ITK: variants seen among roughly 807,000 people sequenced by gnomAD.
ITK encodes the protein IL2 inducible T cell kinase.
Under a neutral mutation model 87.6 loss-of-function variants are expected in ITK, and 45 were observed. The ratio of observed to expected loss-of-function variants is 0.51; its 90% CI spans 0.40 to 0.66. The LOEUF is 0.66. Among genes scored for constraint, ITK ranks in the 30% least tolerant of loss-of-function variants. ITK has a pLI of 0.00. For synonymous variants in ITK, 303 were observed against 273.6 expected, an observed-to-expected ratio of 1.11 and a Z score of -1.06; for missense variants, 605 against 766.3, an observed-to-expected ratio of 0.79 and a Z score of 2.48.
intron 1 of ITK, among the ~76,000 whole-genome samples, chr5:157,204,839 T>TA (rs899130682): frequency 1.3e-5 from 2 of 152,254 alleles, no homozygotes; most frequent in African/African-American, 4.8e-5. Context: ...TGTTTTTACT[T>TA]AAAAAACTAA....
At chr5:157,241,931 G>T (rs1386008375) in intron 11 of ITK, among the ~76,000 whole-genome samples, 1 of 152,142 alleles carries the variant, frequency 6.6e-6, no homozygotes, top group Non-Finnish European at 1.5e-5. Flanking sequence ...TCAAACCAGT[G>T]GCCATTGGTT....
At chr5:157,216,393 TG>T (rs1754299378) in intron 4 of ITK, among the ~76,000 whole-genome samples, 1 of 152,150 alleles carries the variant, frequency 6.6e-6, no homozygotes, top group Admixed American at 6.5e-5. Context: ...GATTCAATGG[TG>T]TTGTGGAAAG....
chr5:157,220,220 A>T (rs1754387462), intron 5 of ITK, among the ~76,000 whole-genome samples: 1 of 152,126 alleles, frequency 6.6e-6, no homozygotes, highest in Non-Finnish European at 1.5e-5. Flanking sequence ...GGGTTGGGGG[A>T]TGGCTATTTT....
At chr5:157,240,008 G>A (rs1185334526) in intron 9 of ITK, 54 bp from the exon 10 acceptor site, 16 of 1,568,664 alleles carry the variant, frequency 1.0e-5, no homozygotes, top group Non-Finnish European at 1.2e-5. Context: ...AGACTTTTTT[G>A]TGTCTCAACA....
intron 1 of ITK, among the ~76,000 whole-genome samples, chr5:157,205,222 A>G (rs1345909291): frequency 2.0e-5 from 3 of 152,224 alleles, no homozygotes; most frequent in Non-Finnish European, 4.4e-5. Flanking sequence ...TATCAGATGT[A>G]AAAACCAGGG....
At chr5:157,185,166 TC>T (rs1561645043) in intron 1 of ITK, among the ~76,000 whole-genome samples, 1 of 152,122 alleles carries the variant, frequency 6.6e-6, no homozygotes, top group Non-Finnish European at 1.5e-5. Context: ...CAGATCTGGG[TC>T]AAAAACTAGC....
intron 1 of ITK, among the ~76,000 whole-genome samples, chr5:157,201,286 G>A (rs1167203447): frequency 7.0e-6 from 1 of 142,480 alleles, no homozygotes; most frequent in Admixed American, 7.4e-5. Flanking sequence ...TTGGGAACAA[G>A]ACATAAATTT....
intron 6 of ITK, among the ~76,000 whole-genome samples, chr5:157,225,728 A>G (rs1243736754): frequency 1.3e-5 from 2 of 152,186 alleles, no homozygotes; most frequent in Non-Finnish European, 2.9e-5. Context: ...CATGAAGACA[A>G]TTGAGCTAGT....
intron 8 of ITK, among the ~76,000 whole-genome samples, chr5:157,234,927 G>A (rs1754747129): frequency 6.6e-6 from 1 of 152,008 alleles, no homozygotes; most frequent in Admixed American, 6.6e-5. Flanking sequence ...AGAACTTCAA[G>A]TATAATAATA....
intron 6 of ITK, among the ~76,000 whole-genome samples, chr5:157,226,355 G>T (rs539046831): frequency 1.4e-4 from 22 of 152,198 alleles, no homozygotes; most frequent in Non-Finnish European, 3.1e-4. Context: ...CCAGCTTTGG[G>T]TGGCATATGC....
rs914011146 is a variant in ITK, at chr5:157,252,848, C to G, written c.*170C>G. The G allele has an allele frequency of 1.5e-6, 1 of 663,108 alleles. No homozygotes were observed. The highest frequency in any genetic ancestry group is 1.5e-5 in the South Asian group (1 of 64,736). The allele number at this position is 663,108 out of a possible 1,614,324, so 41.1% of individuals were successfully genotyped here. A position where few individuals can be genotyped will look rare whatever the true frequency, so the allele number is the denominator to read the frequency against. Reference sequence around the variant, plus strand: ...GAAGCAGCATCCTGACCACAGCTGGCAGTCAAGCCACAGCTGGAGGGTCAG... The same window carrying G: ...GAAGCAGCATCCTGACCACAGCTGGGAGTCAAGCCACAGCTGGAGGGTCAG... On this transcript the variant is annotated 3_prime_UTR_variant, in exon 17 of 17. Coordinates refer to ENST00000422843, the MANE Select transcript of ITK (RefSeq NM_005546.4).
intron 7 of ITK, among the ~76,000 whole-genome samples, chr5:157,229,029 TAAAA>T (rs1295899673): frequency 6.6e-6 from 1 of 152,130 alleles, no homozygotes; most frequent in Non-Finnish European, 1.5e-5. Context: ...TAATGACTAT[TAAAA>T]TAAGTAATAG....
chr5:157,242,598 C>T (rs533551567), intron 11 of ITK, among the ~76,000 whole-genome samples: 1 of 152,096 alleles, frequency 6.6e-6, no homozygotes, highest in African/African-American at 2.4e-5. Flanking sequence ...ACCTCAGCCT[C>T]CCAAGTAGCT....
chr5:157,217,604 G>C (rs911120815), intron 4 of ITK, among the ~76,000 whole-genome samples: 2 of 152,160 alleles, frequency 1.3e-5, no homozygotes, highest in Non-Finnish European at 2.9e-5. Flanking sequence ...TACAGAAAGA[G>C]AGGGCCCCCG....
intron 8 of ITK, among the ~76,000 whole-genome samples, chr5:157,235,015 G>A (rs777359525): frequency 4.5e-4 from 68 of 151,946 alleles, no homozygotes; most frequent in Admixed American, 1.7e-3. Flanking sequence ...TACATATTTC[G>A]CCACTAGACT....
In ITK at chr5:157,244,384, G is replaced by A; in HGVS notation, c.1355G>A (p.Gly452Glu). ...CLSDYLRTQR[G>E]LFAAETLLGM... Reference sequence around the variant, plus strand: ...TCAGATTATCTACGCACCCAGCGGGGACTTTTTGCTGCAGAGACCCTGCTG... The same window carrying A: ...TCAGATTATCTACGCACCCAGCGGGAACTTTTTGCTGCAGAGACCCTGCTG... The change falls in exon 13 of 17, where the codon GGA (glycine) becomes GAA (glutamate). Residue 452 changes from glycine (G) to glutamate (E), a missense_variant. By Grantham distance (98) the Gly-to-Glu change is moderately conservative. Transcript: ENST00000422843. 1 of 1,614,092 alleles carries A rather than the reference G, an allele frequency of 6.2e-7. No homozygotes were observed. Among genetic ancestry groups the A allele is most frequent in the South Asian group, 1.1e-5 (1 of 91,076 alleles).
At chr5:157,239,458 C>A (rs1754843454) in intron 9 of ITK, among the ~76,000 whole-genome samples, 1 of 152,166 alleles carries the variant, frequency 6.6e-6, no homozygotes, top group African/African-American at 2.4e-5. Flanking sequence ...CAGCCCCTGC[C>A]TAGCACATGC....
rs199801289 is a variant in ITK at position 157,243,781 on chromosome 5, G to T, written c.1219G>T (p.Ala407Ser). The change falls in exon 12 of 17, where the codon GCT becomes TCT. Residue 407 changes from alanine to serine, a missense_variant. Coordinates refer to ENST00000422843, the MANE Select transcript of ITK (RefSeq NM_005546.4). Reference protein sequence around the residue: ...AMSEEDFIEEAEVMMKLSHPK... With the variant: ...AMSEEDFIEESEVMMKLSHPK... ...GTCAGAAGAGGACTTCATAGAGGAG[G>T]CTGAAGTAATGATGTGAGTGCTCAG... is the stretch of plus-strand genomic sequence containing the variant. 46 of 1,613,896 alleles carry T rather than the reference G, an allele frequency of 2.9e-5. No individual in the cohort carries two copies. Among genetic ancestry groups the T allele is most frequent in the Non-Finnish European group, 2.8e-5 (33 of 1,179,906 alleles).
chr5:157,212,063 G>C lies in ITK; in HGVS notation c.325+695G>C, dbSNP rs776370863. Among the ~76,000 whole-genome samples, 36 of 152,188 alleles carry C rather than the reference G, an allele frequency of 2.4e-4. 1 individual carries two copies. Among genetic ancestry groups the C allele is most frequent in the Non-Finnish European group, 4.9e-4 (33 of 68,028 alleles). ...TTAAGCACATGGGATGTGGAGCCAG[G>C]CATGAAGGTGAAAATCCCAGCTCTG... On this transcript the variant is annotated intron_variant, in intron 3 of 16. Transcript: ENST00000422843.
Sources: allele counts gnomAD v4.1 joint callset (sites outside exome capture counted in the v4.1 genomes callset), GRCh38; gene constraint gnomAD v4.1.1; transcripts MANE v1.5; gene names NCBI Gene and HGNC (gene_info 2026-07-23, HGNC 2026-07-21).